SPMIP4: variants seen among roughly 807,000 people sequenced by gnomAD.
SPMIP4 encodes the protein sperm-associated microtubule inner protein 4.
chr7:25,157,432 G>A, the SPMIP4 span, among the ~76,000 whole-genome samples: 28 of 151,858 alleles, frequency 1.8e-4, no homozygotes, highest in African/African-American at 6.0e-4. Context: ...TGTGTGCAGC[G>A]GGGAAACCTG....
chr7:25,127,090 T>C, the SPMIP4 span, among the ~76,000 whole-genome samples: 3 of 152,224 alleles, frequency 2.0e-5, no homozygotes, highest in Non-Finnish European at 4.4e-5. Flanking sequence ...TTGTTTCTTT[T>C]CTCTTGCTTG....
chr7:25,138,768 T>A, the SPMIP4 span, among the ~76,000 whole-genome samples: 1 of 152,246 alleles, frequency 6.6e-6, no homozygotes, highest in Admixed American at 6.5e-5. The surrounding 1 kb of genome is among the most constrained non-coding windows in gnomAD (Gnocchi z 6.2). Context: ...CAAAAACATA[T>A]GTCCATACAC....
the SPMIP4 span, among the ~76,000 whole-genome samples, chr7:25,178,893 T>G: frequency 1.3e-5 from 2 of 152,076 alleles, no homozygotes; most frequent in South Asian, 4.2e-4. Flanking sequence ...GCAAAAATAT[T>G]AGCTGGGCAT....
the SPMIP4 span, chr7:25,179,326 G>A: frequency 6.3e-7 from 1 of 1,597,712 alleles, no homozygotes; most frequent in Non-Finnish European, 8.5e-7. Context: ...GGCTAAAAAG[G>A]CACAACCTGG....
chr7:25,168,465 C>A, the SPMIP4 span: 1 of 1,572,416 alleles, frequency 6.4e-7, no homozygotes, highest in Non-Finnish European at 8.6e-7. Context: ...ATTCCTGATA[C>A]CTGTGAAAAA....
chr7:25,179,615 T>G, the SPMIP4 span: 3 of 251,536 alleles, frequency 1.2e-5, no homozygotes, highest in Non-Finnish European at 2.3e-5. Flanking sequence ...TCAACTGACA[T>G]TCAATTCCTG....
chr7:25,165,651 T>C, the SPMIP4 span, among the ~76,000 whole-genome samples: 7 of 152,202 alleles, frequency 4.6e-5, no homozygotes, highest in African/African-American at 1.7e-4. Context: ...CCTGGCCGCA[T>C]TTTCTTACAT....
chr7:25,172,487 G>T, the SPMIP4 span, among the ~76,000 whole-genome samples: 2 of 152,216 alleles, frequency 1.3e-5, no homozygotes, highest in Admixed American at 1.3e-4. This position sits in a 1 kb window ranked among gnomAD's most constrained non-coding sequence, Gnocchi z 4.2. Flanking sequence ...ATGTAGCATG[G>T]CATGGTGTGA....
chr7:25,178,408 G>A, the SPMIP4 span, among the ~76,000 whole-genome samples: 1 of 152,182 alleles, frequency 6.6e-6, no homozygotes, highest in South Asian at 2.1e-4. Flanking sequence ...TCACCAAACT[G>A]CTTTTCATAA....
chr7:25,177,814 CT>C, the SPMIP4 span, among the ~76,000 whole-genome samples: 5 of 151,810 alleles, frequency 3.3e-5, no homozygotes, highest in African/African-American at 1.2e-4. Flanking sequence ...TTTTTTTAAA[CT>C]TTTTTTCTAG....
At chr7:25,141,821 T>G in the SPMIP4 span, among the ~76,000 whole-genome samples, 2 of 152,094 alleles carry the variant, frequency 1.3e-5, no homozygotes, top group Non-Finnish European at 2.9e-5. Context: ...CATTGCAACC[T>G]CTGCCTCCTG....
At chr7:25,162,780 A>T in the SPMIP4 span, among the ~76,000 whole-genome samples, 56,041 of 142,804 alleles carry the variant, frequency 0.39, 12,463 homozygotes, top group Non-Finnish European at 0.51. Context: ...ATTTATTTAA[A>T]TTTTTTTTTG....
At chr7:25,157,566 A>G in the SPMIP4 span, among the ~76,000 whole-genome samples, 1 of 152,202 alleles carries the variant, frequency 6.6e-6, no homozygotes, top group Non-Finnish European at 1.5e-5. Flanking sequence ...CCTTCCACAA[A>G]TACATCATCC....
the SPMIP4 span, chr7:25,155,245 G>A: frequency 1.7e-5 from 24 of 1,450,520 alleles, no homozygotes; most frequent in Admixed American, 5.6e-4. Context: ...AAGAAGTATG[G>A]TTGAAAAAAT....
chr7:25,172,708 T>C, the SPMIP4 span, among the ~76,000 whole-genome samples: 4 of 152,246 alleles, frequency 2.6e-5, no homozygotes, highest in African/African-American at 7.2e-5. This position sits in a 1 kb window ranked among gnomAD's most constrained non-coding sequence, Gnocchi z 4.2. Context: ...TTGGATAAAT[T>C]TGGAGGAATT....
At chr7:25,162,077 C>T in the SPMIP4 span, among the ~76,000 whole-genome samples, 16 of 151,550 alleles carry the variant, frequency 1.1e-4, no homozygotes, top group African/African-American at 3.9e-4. Context: ...TCGAGACTAG[C>T]CTGGCCAACA....
chr7:25,136,253 C>T, the SPMIP4 span: 1 of 1,614,114 alleles, frequency 6.2e-7, no homozygotes. The surrounding 1 kb of genome is among the most constrained non-coding windows in gnomAD (Gnocchi z 5.7). Context: ...AAAGTGAAAG[C>T]TTCCGTGTCT....
the SPMIP4 span, among the ~76,000 whole-genome samples, chr7:25,138,663 A>C: frequency 6.6e-6 from 1 of 152,220 alleles, no homozygotes; most frequent in African/African-American, 2.4e-5. The surrounding 1 kb of genome is among the most constrained non-coding windows in gnomAD (Gnocchi z 6.2). Context: ...AGTAATAAAA[A>C]CCCTCATACA....
At chr7:25,161,201 C>T in the SPMIP4 span, 1 of 1,550,512 alleles carries the variant, frequency 6.4e-7, no homozygotes, top group Non-Finnish European at 8.8e-7. Context: ...AGAATCATTT[C>T]CATAGACATC....
Sources: allele counts gnomAD v4.1 joint callset (sites outside exome capture counted in the v4.1 genomes callset), GRCh38; gene constraint gnomAD v4.1.1; non-coding constraint Gnocchi (gnomAD v3.1); transcripts MANE v1.5; gene names NCBI Gene and HGNC (gene_info 2026-07-23, HGNC 2026-07-21).